FAT1: variants seen among roughly 807,000 people sequenced by gnomAD.
FAT1 encodes FAT atypical cadherin 1.
In FAT1, 171 loss-of-function variants were observed where a neutral mutation model predicts 329.8. That is an observed-to-expected ratio of 0.52 (90% CI 0.46 to 0.59). FAT1 has a LOEUF of 0.59. Ranked by LOEUF, FAT1 falls within the 20% of genes least tolerant of loss-of-function variation. FAT1 has a pLI of 0.00. For missense variants in FAT1, 5,672 were observed against 5,774.4 expected (o/e 0.98, Z 0.57); for synonymous variants, 2,233 against 2,228.6 (o/e 1.00, Z -0.06).
chr4:186,714,891 A>C (rs1468706787), intron 1 of FAT1, among the ~76,000 whole-genome samples: 1 of 152,170 alleles, frequency 6.6e-6, no homozygotes, highest in East Asian at 1.9e-4. Context: ...CATCCTGGCC[A>C]ACATGGTGAA....
chr4:186,639,846 T>A, intron 3 of FAT1, 63 bp from the exon 4 acceptor site: 1 of 1,363,592 alleles, frequency 7.3e-7, no homozygotes, highest in Non-Finnish European at 1.0e-6. Context: ...ATACTGCAAT[T>A]AAAATCACAC....
chr4:186,713,840 G>A (rs1202330258), intron 1 of FAT1, among the ~76,000 whole-genome samples: 2 of 151,948 alleles, frequency 1.3e-5, no homozygotes, highest in African/African-American at 4.8e-5. Flanking sequence ...GGAACCACCA[G>A]CACGCCTGGC....
chr4:186,667,278 A>G (rs1742491788), intron 2 of FAT1, among the ~76,000 whole-genome samples: 1 of 152,178 alleles, frequency 6.6e-6, no homozygotes, highest in East Asian at 1.9e-4. Context: ...TCAGCTGTAC[A>G]ACCAGGGGGT....
chr4:186,647,023 TA>T (rs2126587474), intron 3 of FAT1, among the ~76,000 whole-genome samples: 1 of 152,330 alleles, frequency 6.6e-6, no homozygotes, highest in South Asian at 2.1e-4. Context: ...AGTAATGTCA[TA>T]ATGTTTACGA....
intron 6 of FAT1, among the ~76,000 whole-genome samples, chr4:186,635,339 T>C (rs933679297): frequency 3.3e-5 from 5 of 152,158 alleles, no homozygotes; most frequent in African/African-American, 1.2e-4. Context: ...CAAACTCTAA[T>C]GTGAAATTTA....
chr4:186,701,559 A>G (rs563283174), intron 2 of FAT1, among the ~76,000 whole-genome samples: 25 of 152,244 alleles, frequency 1.6e-4, no homozygotes, highest in African/African-American at 6.0e-4. Context: ...GCTGCCAGGA[A>G]TTCTAGCCCC....
At chr4:186,700,564 A>C (rs921021288) in intron 2 of FAT1, among the ~76,000 whole-genome samples, 1 of 152,214 alleles carries the variant, frequency 6.6e-6, no homozygotes, top group Non-Finnish European at 1.5e-5. Flanking sequence ...TCTAGGATTC[A>C]AGGCTGCAAC....
chr4:186,657,008 G>A (rs748567845), intron 3 of FAT1, among the ~76,000 whole-genome samples: 1 of 152,038 alleles, frequency 6.6e-6, no homozygotes, highest in Admixed American at 6.6e-5. Flanking sequence ...TGCACTGGCA[G>A]TTGAAAGGAC....
chr4:186,621,106 C>G lies in FAT1; in HGVS notation c.5480G>C (p.Gly1827Ala), dbSNP rs2126522213. ...HTYFAIDSST[G>A]AIHTVLSLDY... The stretch of plus-strand genomic sequence containing the variant: ...CAGACTTAGTACTGTATGAATAGCA[C>G]CAGTGCTAGAATCAATAGCAAAATA... Residue 1827 changes from glycine to alanine, a missense_variant, in exon 10 of 27, where the codon GGT becomes GCT. Around this residue, in one of 2 missense-constraint regions of FAT1, gnomAD observed 3,966 missense variants for 3,915.2 expected, o/e 1.01. Coordinates refer to ENST00000441802, the MANE Select transcript of FAT1 (RefSeq NM_005245.4). 6.2e-7 allele frequency: 1 copy of G among 1,613,676 alleles called. No individual in the cohort carries two copies. The highest frequency in any genetic ancestry group is 1.3e-5 in the African/African-American group (1 of 75,024).
chr4:186,654,504 G>A (rs1741812645), intron 3 of FAT1, among the ~76,000 whole-genome samples: 1 of 152,184 alleles, frequency 6.6e-6, no homozygotes, highest in Non-Finnish European at 1.5e-5. Context: ...AAGGGAACAG[G>A]CATGAGACAG....
Position 186,621,657 on chromosome 4 carries a change from G to A in FAT1, c.4929C>T (p.Gly1643=), listed in dbSNP as rs776923373. 2.5e-6 allele frequency: 4 copies of A among 1,613,938 alleles called. No individual in the cohort carries two copies. The highest frequency in any genetic ancestry group is 1.3e-5 in the African/African-American group (1 of 75,050). The change falls in exon 10 of 27, where the codon GGC becomes GGT. Residue 1643 remains glycine, a synonymous_variant. Transcript: ENST00000441802. ...YDLMVKATDK[G]SPPMSEITSV... is the part of the protein sequence containing the mutation. ...AAGTTATTTCACTCATTGGTGGACTGCCCTTATCTGTAGCTTTTACCATTA... is the reference window on the plus strand; with the variant it reads ...AAGTTATTTCACTCATTGGTGGACTACCCTTATCTGTAGCTTTTACCATTA...
chr4:186,592,256 T>C (rs1304600112), intron 26 of FAT1, among the ~76,000 whole-genome samples: 1 of 151,878 alleles, frequency 6.6e-6, no homozygotes, highest in Non-Finnish European at 1.5e-5. Context: ...AAATATTCTT[T>C]TACCATGCTC....
In FAT1 at chr4:186,723,792, A is replaced by G. The variant is rs327084; in HGVS notation, c.-147T>C. Reference sequence around the variant, plus strand: ...CGCGCGTCCGCATGGTACCTGCCGCACGAGCCGCTCCCGCGCCCTCTCCCC... The same window carrying G: ...CGCGCGTCCGCATGGTACCTGCCGCGCGAGCCGCTCCCGCGCCCTCTCCCC... On this transcript the variant is annotated 5_prime_UTR_variant, in exon 1 of 27. Transcript: ENST00000441802. 0.44 allele frequency: 65,838 copies of G among 149,418 alleles called. 19,202 individuals are homozygous for G. The highest frequency in any genetic ancestry group is 0.84 in the African/African-American group (34,416 of 40,902). The allele number at this position is 149,418 out of a possible 1,614,324, so 9.3% of individuals were successfully genotyped here.
Position 186,677,957 on chromosome 4 carries a change from T to C in FAT1, c.3266-14344A>G, listed in dbSNP as rs116463523. ...AACTGAAACAAGAAAAAATGAAAAA[T>C]AGAGAATAACTGCAGTAGTTCTTAT... On this transcript the variant is annotated intron_variant, in intron 2 of 26. Coordinates refer to ENST00000441802, the MANE Select transcript of FAT1 (RefSeq NM_005245.4). Among the ~76,000 whole-genome samples the C allele has an allele frequency of 3.5e-3, 535 of 151,146 alleles. 1 individual carries two copies. The highest frequency in any genetic ancestry group is 0.013 in the African/African-American group (512 of 40,532).
At chr4:186,679,237 C>A (rs376374341) in intron 2 of FAT1, among the ~76,000 whole-genome samples, 4 of 151,740 alleles carry the variant, frequency 2.6e-5, no homozygotes, top group African/African-American at 9.7e-5. Context: ...AACACTAACA[C>A]TAAACAAATA....
chr4:186,588,623 G>A lies in FAT1; in HGVS notation c.13736C>T (p.Pro4579Leu), dbSNP rs2126346945. Residue 4579 changes from proline to leucine, a missense_variant, in exon 27 of 27, where the codon CCC (proline) becomes CTC (leucine). This residue lies in a region of FAT1 where 1,706 missense variants were observed against 1,859.1 expected (regional missense o/e 0.92). Transcript: ENST00000441802. ...DGHFEEVTIPPLDSQQHTEV is the reference protein window; with the variant it reads ...DGHFEEVTIPLLDSQQHTEV ...TTCCGTGTGCTGCTGGGAATCCAGGGGCGGGATCGTCACCTCTTCGAAGTG... is the reference window on the plus strand; with the variant it reads ...TTCCGTGTGCTGCTGGGAATCCAGGAGCGGGATCGTCACCTCTTCGAAGTG... 1.9e-6 allele frequency: 3 copies of A among 1,613,244 alleles called. No homozygotes were observed. In the South Asian group the frequency reaches 3.3e-5, roughly 18 times the overall value.
intron 2 of FAT1, among the ~76,000 whole-genome samples, chr4:186,679,725 C>T (rs1400043276): frequency 6.6e-6 from 1 of 152,112 alleles, no homozygotes; most frequent in Non-Finnish European, 1.5e-5. Context: ...ATCAAGTCTA[C>T]AGTTTAGAAG....
intron 1 of FAT1, among the ~76,000 whole-genome samples, chr4:186,718,408 C>A (rs897445436): frequency 6.6e-6 from 1 of 152,166 alleles, no homozygotes; most frequent in African/African-American, 2.4e-5. Flanking sequence ...GTGGCTCATG[C>A]CTGTAATCCC....
chr4:186,614,395 C>A (rs552445956), intron 11 of FAT1, 51 bp from the exon 12 acceptor site: 43 of 1,229,114 alleles, frequency 3.5e-5, no homozygotes, highest in Non-Finnish European at 4.6e-5. Context: ...ACAGGCAGCA[C>A]AAACATCAAG....
Sources: allele counts gnomAD v4.1 joint callset (sites outside exome capture counted in the v4.1 genomes callset), GRCh38; gene constraint gnomAD v4.1.1; regional missense constraint gnomAD v4.1.1; transcripts MANE v1.5; gene names NCBI Gene and HGNC (gene_info 2026-07-23, HGNC 2026-07-21).